ZDHHC14: variants seen among roughly 807,000 people sequenced by gnomAD.
The protein encoded by ZDHHC14 is palmitoyltransferase ZDHHC14.
In ZDHHC14, 16 loss-of-function variants were observed where a neutral mutation model predicts 47.7. The observed-to-expected ratio is 0.34, with a 90% CI of 0.23 to 0.51. ZDHHC14 has a LOEUF of 0.51. Ranked by LOEUF, ZDHHC14 falls within the 20% of genes least tolerant of loss-of-function variation. The probability of loss-of-function intolerance (pLI) is 0.97; values close to 1 mark genes in which losing one functional copy is unlikely to be tolerated. For synonymous variants in ZDHHC14, 293 were observed against 278.9 expected, an observed-to-expected ratio of 1.05 and a Z score of -0.50; for missense variants, 515 against 662.5, an observed-to-expected ratio of 0.78 and a Z score of 2.44.
At chr6:157,603,841 C>G (rs1464133358) in intron 3 of ZDHHC14, among the ~76,000 whole-genome samples, 2 of 152,166 alleles carry the variant, frequency 1.3e-5, no homozygotes, top group African/African-American at 2.4e-5. Context: ...GTATCCCTTA[C>G]AACCTCTGCC....
intron 1 of ZDHHC14, among the ~76,000 whole-genome samples, chr6:157,416,205 G>T (rs1777968645): frequency 6.6e-6 from 1 of 152,180 alleles, no homozygotes; most frequent in African/African-American, 2.4e-5. Flanking sequence ...TAATATTAAT[G>T]TGTAGTCCCC....
intron 2 of ZDHHC14, among the ~76,000 whole-genome samples, chr6:157,573,006 C>G (rs900535678): frequency 2.0e-5 from 3 of 152,220 alleles, no homozygotes; most frequent in East Asian, 3.9e-4. Flanking sequence ...ACAAAGTTCT[C>G]TCCTCAAGAG....
chr6:157,557,846 G>A (rs1273495318), intron 2 of ZDHHC14, among the ~76,000 whole-genome samples: 3 of 152,188 alleles, frequency 2.0e-5, no homozygotes, highest in Non-Finnish European at 4.4e-5. Context: ...AGAGTACTGG[G>A]GACTGCTCTC....
intron 1 of ZDHHC14, among the ~76,000 whole-genome samples, chr6:157,417,443 C>T (rs1432217101): frequency 6.6e-6 from 1 of 152,208 alleles, no homozygotes; most frequent in East Asian, 1.9e-4. Context: ...AACCCCTCTC[C>T]CTTTTTAAGA....
chr6:157,533,378 G>A (rs932227642), intron 1 of ZDHHC14, among the ~76,000 whole-genome samples: 1 of 152,184 alleles, frequency 6.6e-6, no homozygotes, highest in South Asian at 2.1e-4. Flanking sequence ...TGGTGGAGAC[G>A]GGATGGCTGG....
chr6:157,649,381 G>A (rs920011753), intron 7 of ZDHHC14, among the ~76,000 whole-genome samples: 2 of 152,206 alleles, frequency 1.3e-5, no homozygotes, highest in African/African-American at 4.8e-5. Context: ...TGGAGCTTGG[G>A]CAGGGACATA....
intron 1 of ZDHHC14, among the ~76,000 whole-genome samples, chr6:157,469,790 C>T (rs781159231): frequency 8.5e-5 from 13 of 152,198 alleles, no homozygotes; most frequent in East Asian, 1.9e-4. Context: ...GGGCCAGAAG[C>T]GAAGTCCACC....
At chr6:157,449,833 AT>A (rs1778762553) in intron 1 of ZDHHC14, among the ~76,000 whole-genome samples, 1 of 151,948 alleles carries the variant, frequency 6.6e-6, no homozygotes, top group Non-Finnish European at 1.5e-5. Context: ...GCTGCTTTGA[AT>A]TTTTTCCCCA....
chr6:157,626,978 A>T (rs1362770614), intron 3 of ZDHHC14, among the ~76,000 whole-genome samples: 3 of 151,740 alleles, frequency 2.0e-5, no homozygotes, highest in Non-Finnish European at 4.4e-5. Flanking sequence ...GAGTGTCAGC[A>T]TCTTATAGGC....
intron 2 of ZDHHC14, among the ~76,000 whole-genome samples, chr6:157,561,063 G>A (rs899664241): frequency 1.8e-4 from 27 of 152,204 alleles, no homozygotes; most frequent in African/African-American, 6.5e-4. Context: ...AGGACATTTC[G>A]GGGAGCCCAG....
At chr6:157,453,476 A>G (rs1029771801) in intron 1 of ZDHHC14, among the ~76,000 whole-genome samples, 1 of 152,146 alleles carries the variant, frequency 6.6e-6, no homozygotes, top group Non-Finnish European at 1.5e-5. Context: ...GCCCATTTTC[A>G]CTCAAACTTG....
intron 1 of ZDHHC14, among the ~76,000 whole-genome samples, chr6:157,431,874 G>A (rs1778345765): frequency 6.6e-6 from 1 of 151,884 alleles, no homozygotes; most frequent in African/African-American, 2.4e-5. Context: ...GACCACAAGT[G>A]TGCACCACCA....
At chr6:157,511,399 GAGA>G in intron 1 of ZDHHC14, among the ~76,000 whole-genome samples, 2 of 119,564 alleles carry the variant, frequency 1.7e-5, no homozygotes, top group East Asian at 2.4e-4. Flanking sequence ...TTTTTTTTTT[GAGA>G]CGGAGTCTTG....
intron 2 of ZDHHC14, among the ~76,000 whole-genome samples, chr6:157,578,495 T>C (rs1031835265): frequency 6.6e-6 from 1 of 152,216 alleles, no homozygotes; most frequent in Non-Finnish European, 1.5e-5. Context: ...ATCAGATGGT[T>C]GTAGGTGTGT....
chr6:157,476,136 A>G (rs1018136670), intron 1 of ZDHHC14, among the ~76,000 whole-genome samples: 5 of 152,172 alleles, frequency 3.3e-5, no homozygotes, highest in African/African-American at 1.2e-4. Context: ...CTAGTAAACA[A>G]TAGAAAAGAT....
chr6:157,387,769 G>T (rs1056143321), intron 1 of ZDHHC14, among the ~76,000 whole-genome samples: 12 of 152,100 alleles, frequency 7.9e-5, no homozygotes, highest in African/African-American at 2.9e-4. Flanking sequence ...GTATCCCCAG[G>T]GCTTAGAATA....
intron 1 of ZDHHC14, among the ~76,000 whole-genome samples, chr6:157,511,946 G>A (rs747080206): frequency 6.6e-6 from 1 of 152,116 alleles, no homozygotes; most frequent in African/African-American, 2.4e-5. Context: ...GGTGTTGGCT[G>A]TGCTGCTCAG....
intron 5 of ZDHHC14, among the ~76,000 whole-genome samples, chr6:157,642,990 C>G (rs910506843): frequency 2.0e-5 from 3 of 152,242 alleles, no homozygotes; most frequent in African/African-American, 7.2e-5. Context: ...TAAGACTCTT[C>G]TGTCATCCCA....
intron 2 of ZDHHC14, among the ~76,000 whole-genome samples, chr6:157,567,765 C>T (rs900851811): frequency 8.0e-5 from 12 of 149,290 alleles, no homozygotes; most frequent in African/African-American, 2.5e-4. Flanking sequence ...GAGCCAAGAT[C>T]ACACCATTGC....
Sources: allele counts gnomAD v4.1 joint callset (sites outside exome capture counted in the v4.1 genomes callset), GRCh38; gene constraint gnomAD v4.1.1; transcripts MANE v1.5; gene names NCBI Gene and HGNC (gene_info 2026-07-23, HGNC 2026-07-21).